The following FAM184B variants were observed in gnomAD, a reference collection of about 807,000 sequenced individuals.
FAM184B encodes the protein family with sequence similarity 184 member B.
A neutral mutation model predicts 135.9 loss-of-function variants in FAM184B; 111 were observed. The ratio of observed to expected loss-of-function variants is 0.82; its 90% CI spans 0.70 to 0.96. FAM184B has a LOEUF of 0.96. Ranked by LOEUF, FAM184B falls within the 40% of genes least tolerant of loss-of-function variation. The pLI, the probability that FAM184B is intolerant of heterozygous loss-of-function variation, is 0.00. For synonymous variants in FAM184B, 552 were observed against 524.8 expected, an observed-to-expected ratio of 1.05 and a Z score of -0.71; for missense variants, 1,375 against 1,323.9, an observed-to-expected ratio of 1.04 and a Z score of -0.60.
rs531495469 is a variant in FAM184B, at chr4:17,778,744, A to C, written c.141+2415T>G. Among the ~76,000 whole-genome samples the C allele has an allele frequency of 1.4e-4, 22 of 152,090 alleles. 1 individual carries two copies. The South Asian group carries it at 4.2e-3, about 29-fold the overall frequency. ...GGGGTGGTGGTGTGGACCTGTTCCT[A>C]GCTACTTGGGAGTCTGAGGTGGGAG... On this transcript the variant is annotated intron_variant, in intron 1 of 17. Transcript: ENST00000265018.
intron 1 of FAM184B, among the ~76,000 whole-genome samples, chr4:17,755,052 G>T (rs1370203603): frequency 2.0e-5 from 3 of 151,804 alleles, no homozygotes; most frequent in Non-Finnish European, 4.4e-5. Context: ...GTAAGAATGG[G>T]GTCTTGCTGT....
chr4:17,708,689 A>G (rs1484120680), intron 2 of FAM184B, among the ~76,000 whole-genome samples: 33 of 51,284 alleles, frequency 6.4e-4, no homozygotes, highest in African/African-American at 2.7e-3. Context: ...ATATATATAT[A>G]TATATATATA....
At chr4:17,744,384 A>T (rs1718110533) in intron 1 of FAM184B, among the ~76,000 whole-genome samples, 1 of 151,862 alleles carries the variant, frequency 6.6e-6, no homozygotes, top group African/African-American at 2.4e-5. Context: ...GGAGTAGAAG[A>T]GCTGAAGGCG....
chr4:17,757,828 A>G (rs1718455596), intron 1 of FAM184B, among the ~76,000 whole-genome samples: 1 of 152,216 alleles, frequency 6.6e-6, no homozygotes, highest in South Asian at 2.1e-4. Flanking sequence ...TTAGCTGCCA[A>G]GAGTTCTGAG....
rs550743517 is a variant in FAM184B at position 17,726,560 on chromosome 4, C to T, written c.142-16916G>A. Among the ~76,000 whole-genome samples, 11 of 152,104 alleles carry T rather than the reference C, an allele frequency of 7.2e-5. 1 individual carries two copies. In the South Asian group the frequency reaches 1.2e-3, roughly 17 times the overall value. On this transcript the variant is annotated intron_variant, in intron 1 of 17. Coordinates refer to ENST00000265018, the MANE Select transcript of FAM184B (RefSeq NM_015688.2). ...CTAATTTTTGTATTTTTAGTAGAGA[C>T]GGGGTTTCACCATGTTGGTCAGGCT...
At chr4:17,643,271 C>T (rs1715374752) in intron 12 of FAM184B, among the ~76,000 whole-genome samples, 1 of 152,218 alleles carries the variant, frequency 6.6e-6, no homozygotes, top group South Asian at 2.1e-4. Context: ...GGCCTGCAGC[C>T]TGGCATTGTG....
chr4:17,707,547 C>G, intron 3 of FAM184B, 102 bp downstream of exon 3: 2 of 1,455,778 alleles, frequency 1.4e-6, no homozygotes, highest in Non-Finnish European at 1.8e-6. Flanking sequence ...CAGCCCTGCC[C>G]CTCCTCTCTG....
rs1221101675 is a variant in FAM184B at position 17,733,339 on chromosome 4, T to C, written c.142-23695A>G. Among the ~76,000 whole-genome samples, 8 of 152,198 alleles carry C rather than the reference T, an allele frequency of 5.3e-5. No individual in the cohort carries two copies. The East Asian group carries it at 1.5e-3, about 29-fold the overall frequency. ...ATAGTGTTGGAAGTTCTGGCCACGGTAATCAGGCAGGAGACAGAAAGGGTA... is the reference window on the plus strand; with the variant it reads ...ATAGTGTTGGAAGTTCTGGCCACGGCAATCAGGCAGGAGACAGAAAGGGTA... On this transcript the variant is annotated intron_variant, in intron 1 of 17. Transcript: ENST00000265018.
intron 1 of FAM184B, among the ~76,000 whole-genome samples, chr4:17,751,562 T>G (rs1718292225): frequency 6.6e-6 from 1 of 151,966 alleles, no homozygotes; most frequent in South Asian, 2.1e-4. Context: ...CAAACAACCT[T>G]TTGTTGTTAC....
chr4:17,740,540 T>G (rs1425349169), intron 1 of FAM184B, among the ~76,000 whole-genome samples: 1 of 152,142 alleles, frequency 6.6e-6, no homozygotes, highest in East Asian at 1.9e-4. Context: ...TAAGACCTAG[T>G]TGAGCCACTG....
intron 1 of FAM184B, among the ~76,000 whole-genome samples, chr4:17,732,694 A>G (rs549028305): frequency 5.2e-4 from 79 of 152,336 alleles, no homozygotes; most frequent in African/African-American, 1.8e-3. Flanking sequence ...GCAATAATCA[A>G]TAGCTTACCA....
intron 7 of FAM184B, among the ~76,000 whole-genome samples, chr4:17,664,963 G>A (rs1025307665): frequency 1.1e-4 from 16 of 152,338 alleles, no homozygotes; most frequent in Middle Eastern, 3.4e-3. Flanking sequence ...TGGCTAGGGT[G>A]CCACCATCAG....
rs56931270 is a variant in FAM184B at position 17,632,633 on chromosome 4, C to CAA, written c.3090-10_3090-9dup. 0.59 allele frequency: 899,951 copies of CAA among 1,523,234 alleles called. 272,321 individuals carry two copies. Among genetic ancestry groups the CAA allele is most frequent in the East Asian group, 0.9 (36,097 of 40,052 alleles). 94.4% of individuals were successfully genotyped at this position (1,523,234 alleles called of 1,614,324 possible). On this transcript the variant is annotated splice_polypyrimidine_tract_variant and intron_variant, in intron 17 of 17. Coordinates refer to ENST00000265018, the MANE Select transcript of FAM184B (RefSeq NM_015688.2). ...GTTTCACCATCTGGGGTCCTAAAAG[C>CAA]AAAAAAAGGTTTTTTTATATGGTTT... is the stretch of plus-strand genomic sequence containing the variant.
intron 1 of FAM184B, among the ~76,000 whole-genome samples, chr4:17,764,617 G>GA (rs1189651946): frequency 6.6e-6 from 1 of 152,180 alleles, no homozygotes; most frequent in Non-Finnish European, 1.5e-5. Flanking sequence ...GTTTAACAGC[G>GA]AAAAGTCCAA....
chr4:17,635,521 C>T (rs1442855397), intron 15 of FAM184B, among the ~76,000 whole-genome samples: 1 of 152,020 alleles, frequency 6.6e-6, no homozygotes, highest in African/African-American at 2.4e-5. Context: ...AAATCCATCC[C>T]CACTTTACCT....
At chr4:17,650,067 T>C (rs1331160873) in intron 11 of FAM184B, among the ~76,000 whole-genome samples, 1 of 126,292 alleles carries the variant, frequency 7.9e-6, no homozygotes, top group African/African-American at 2.7e-5. Flanking sequence ...CACATCTCCA[T>C]TTGTCTGTCT....
intron 1 of FAM184B, among the ~76,000 whole-genome samples, chr4:17,758,755 C>G (rs1718478215): frequency 6.6e-6 from 1 of 152,194 alleles, no homozygotes; most frequent in African/African-American, 2.4e-5. Context: ...GGGATCACAA[C>G]AACAATATGT....
chr4:17,754,893 A>G (rs1402467166), intron 1 of FAM184B, among the ~76,000 whole-genome samples: 1 of 150,898 alleles, frequency 6.6e-6, no homozygotes, highest in Non-Finnish European at 1.5e-5. Context: ...TTTTTTTTTG[A>G]GATAGGGTCT....
chr4:17,708,710 G>T (rs866921709), intron 2 of FAM184B, among the ~76,000 whole-genome samples, 182 bp downstream of exon 2: 20 of 19,900 alleles, frequency 1.0e-3, no homozygotes, highest in South Asian at 1.6e-3. Flanking sequence ...TATATATATA[G>T]TGTCTGTGTG....
Sources: allele counts gnomAD v4.1 joint callset (sites outside exome capture counted in the v4.1 genomes callset), GRCh38; gene constraint gnomAD v4.1.1; transcripts MANE v1.5; gene names NCBI Gene and HGNC (gene_info 2026-07-23, HGNC 2026-07-21).